The following NPAS3 variants were observed in gnomAD, a reference collection of about 807,000 sequenced individuals.
NPAS3 encodes neuronal PAS domain protein 3.
In NPAS3, 14 loss-of-function variants were observed where a neutral mutation model predicts 73.1. That is an observed-to-expected ratio of 0.19 (90% confidence interval 0.13 to 0.30). NPAS3 has a LOEUF of 0.30. Among genes scored for constraint, NPAS3 ranks in the 10% least tolerant of loss-of-function variants. The probability of loss-of-function intolerance (pLI) is 1.00; values close to 1 mark genes in which losing one functional copy is unlikely to be tolerated. For synonymous variants in NPAS3, 620 were observed against 541.5 expected (o/e 1.14, Z -2.01); for missense variants, 1,096 against 1,250.0 (o/e 0.88, Z 1.86).
chr14:33,242,667 GTAT>G (rs984166836), intron 3 of NPAS3, among the ~76,000 whole-genome samples: 2 of 151,928 alleles, frequency 1.3e-5, no homozygotes, highest in Non-Finnish European at 1.5e-5. Flanking sequence ...AGAGATTTGG[GTAT>G]TATTATTTTC....
intron 3 of NPAS3, among the ~76,000 whole-genome samples, chr14:33,354,152 T>C (rs557245756): frequency 1.4e-4 from 21 of 152,212 alleles, no homozygotes; most frequent in Non-Finnish European, 2.8e-4. Flanking sequence ...TCTCAGGGTA[T>C]AGACATCCAA....
intron 1 of NPAS3, among the ~76,000 whole-genome samples, chr14:32,969,467 T>C (rs557428007): frequency 6.6e-6 from 1 of 152,274 alleles, no homozygotes; most frequent in South Asian, 2.1e-4. Flanking sequence ...AAAGTTTTCA[T>C]GAGGAAATAC....
intron 4 of NPAS3, among the ~76,000 whole-genome samples, chr14:33,457,466 T>C (rs1383443047): frequency 2.0e-5 from 3 of 152,218 alleles, no homozygotes; most frequent in African/African-American, 7.2e-5. Context: ...TTGAAATGTG[T>C]ATTTCTCTTC....
chr14:33,630,246 G>T (rs2058341289), intron 5 of NPAS3, among the ~76,000 whole-genome samples: 1 of 152,082 alleles, frequency 6.6e-6, no homozygotes, highest in African/African-American at 2.4e-5. Flanking sequence ...ATTTGAGGGG[G>T]GTCTCTTTTG....
intron 3 of NPAS3, among the ~76,000 whole-genome samples, chr14:33,335,746 C>G (rs1594720527): frequency 6.6e-6 from 1 of 152,210 alleles, no homozygotes; most frequent in Non-Finnish European, 1.5e-5. Flanking sequence ...TAATATGCCC[C>G]TTATAGCATA....
At chr14:33,701,017 G>T (rs947985496) in intron 6 of NPAS3, among the ~76,000 whole-genome samples, 1 of 152,188 alleles carries the variant, frequency 6.6e-6, no homozygotes, top group Non-Finnish European at 1.5e-5. Flanking sequence ...GGAGAAGCAC[G>T]CATGTGAACA....
intron 2 of NPAS3, 64 bp from the exon 3 acceptor site, chr14:33,215,118 C>CA: frequency 6.7e-7 from 1 of 1,483,730 alleles, no homozygotes; most frequent in South Asian, 1.2e-5. Flanking sequence ...ACAAAGAAAG[C>CA]AGTATTTGAA....
At chr14:33,702,343 T>C (rs2060545665) in intron 6 of NPAS3, among the ~76,000 whole-genome samples, 1 of 152,232 alleles carries the variant, frequency 6.6e-6, no homozygotes, top group African/African-American at 2.4e-5. Context: ...CCTATCATTT[T>C]CAGTCATTTT....
chr14:33,563,416 T>C lies in NPAS3; in HGVS notation c.558+3206T>C, dbSNP rs147549802. On this transcript the variant is annotated intron_variant, in intron 5 of 11. Transcript: ENST00000356141. ...GGGCATGTGCATGCCAGGTATTCTC[T>C]TTAAAGTATTCTCATCTTGTTGTAA... Among the ~76,000 whole-genome samples, 687 of 152,030 alleles carry C rather than the reference T, an allele frequency of 4.5e-3. 6 individuals are homozygous for C. The highest frequency in any genetic ancestry group is 0.016 in the African/African-American group (659 of 41,424).
chr14:33,399,255 A>T (rs2047348831), intron 4 of NPAS3, among the ~76,000 whole-genome samples: 1 of 152,098 alleles, frequency 6.6e-6, no homozygotes, highest in African/African-American at 2.4e-5. Flanking sequence ...GTGAGAATGA[A>T]CTTTTAAAAT....
At chr14:33,560,402 C>A (rs761912232) in intron 5 of NPAS3, 192 bp downstream of exon 5, 6 of 451,730 alleles carry the variant, frequency 1.3e-5, no homozygotes, top group Non-Finnish European at 2.4e-5. Flanking sequence ...TAAACTTGTG[C>A]TCAAAAACTT....
intron 2 of NPAS3, among the ~76,000 whole-genome samples, chr14:33,133,655 C>T (rs963956425): frequency 5.3e-5 from 8 of 152,090 alleles, no homozygotes; most frequent in Non-Finnish European, 8.8e-5. Flanking sequence ...TAAACTTGTC[C>T]GTAGTTTGTA....
intron 7 of NPAS3, among the ~76,000 whole-genome samples, chr14:33,759,243 G>C (rs750990493): frequency 2.0e-5 from 3 of 152,204 alleles, no homozygotes; most frequent in African/African-American, 7.2e-5. Flanking sequence ...CAGCAGCTAT[G>C]GGGAGAAGGT....
intron 1 of NPAS3, among the ~76,000 whole-genome samples, chr14:33,044,808 A>C (rs1315310478): frequency 6.6e-6 from 1 of 152,148 alleles, no homozygotes; most frequent in Admixed American, 6.5e-5. Flanking sequence ...ATATGTGTGT[A>C]TTAGTTAGGA....
At chr14:32,949,221 C>T (rs2036387623) in intron 1 of NPAS3, among the ~76,000 whole-genome samples, 2 of 151,860 alleles carry the variant, frequency 1.3e-5, no homozygotes, top group Admixed American at 1.3e-4. Context: ...TCAAAATTTG[C>T]CACTTTTACC....
chr14:33,720,792 C>A (rs1050023765), intron 6 of NPAS3, among the ~76,000 whole-genome samples: 1 of 152,088 alleles, frequency 6.6e-6, no homozygotes, highest in East Asian at 1.9e-4. Context: ...CATAATAAAT[C>A]TTTGTCTCAG....
At chr14:33,469,113 T>C (rs951907374) in intron 4 of NPAS3, among the ~76,000 whole-genome samples, 7 of 152,202 alleles carry the variant, frequency 4.6e-5, no homozygotes, top group African/African-American at 1.7e-4. Flanking sequence ...TTTCTGAAAT[T>C]CTGTTTTGGG....
intron 4 of NPAS3, among the ~76,000 whole-genome samples, chr14:33,429,055 A>G (rs910615385): frequency 2.0e-5 from 3 of 152,096 alleles, no homozygotes; most frequent in Non-Finnish European, 4.4e-5. Flanking sequence ...AAGGAGATTT[A>G]AAAAAAGGTA....
At chr14:33,186,579 G>A (rs1001420768) in intron 2 of NPAS3, among the ~76,000 whole-genome samples, 4 of 152,108 alleles carry the variant, frequency 2.6e-5, no homozygotes, top group Admixed American at 6.6e-5. Context: ...CAATCTGAAC[G>A]CATGATTTTC....
Sources: gnomAD v4.1 joint callset for allele counts (sites outside exome capture counted in the v4.1 genomes callset) on GRCh38, gnomAD v4.1.1 for gene constraint, MANE v1.5 for transcripts, NCBI Gene and HGNC (gene_info 2026-07-23, HGNC 2026-07-21) for gene names.